The following NT5C3A variants were observed in gnomAD, a reference collection of about 807,000 sequenced individuals.
NT5C3A encodes the protein 5'-nucleotidase, cytosolic IIIA, also known as cytosolic 5'-nucleotidase 3A.
A neutral mutation model predicts 40.0 loss-of-function variants in NT5C3A; 23 were observed. That is an observed-to-expected ratio of 0.58 (90% CI 0.41 to 0.81). The LOEUF is 0.81. Ranked by LOEUF, NT5C3A falls within the 40% of genes least tolerant of loss-of-function variation. The pLI, the probability that NT5C3A is intolerant of heterozygous loss-of-function variation, is 0.00. For synonymous variants in NT5C3A, 130 were observed against 141.4 expected (o/e 0.92, Z 0.57); for missense variants, 328 against 403.0 (o/e 0.81, Z 1.59).
chr7:33,022,010 T>C, intron 4 of NT5C3A, 43 bp downstream of exon 4: 3 of 1,106,348 alleles, frequency 2.7e-6, no homozygotes, highest in South Asian at 1.3e-5. Flanking sequence ...GCAAAAAGGG[T>C]AATGAAGTCT....
chr7:33,035,902 A>G (rs1786570840), intron 1 of NT5C3A: 1 of 1,567,994 alleles, frequency 6.4e-7, no homozygotes, highest in South Asian at 1.1e-5. Flanking sequence ...TTTACCATTA[A>G]TAAATGGAAC....
At chr7:33,026,988 A>C (rs938464317) in intron 1 of NT5C3A, 73 bp from the exon 2 acceptor site, 7 of 950,600 alleles carry the variant, frequency 7.4e-6, no homozygotes, top group Non-Finnish European at 9.9e-6. Flanking sequence ...CCAAGCAGAA[A>C]CCTGTCTTAT....
intron 1 of NT5C3A, chr7:33,029,547 A>C: frequency 1.4e-6 from 1 of 695,012 alleles, no homozygotes; most frequent in African/African-American, 1.8e-5. Flanking sequence ...TTATGGTGAA[A>C]GCAACACAGG....
intron 1 of NT5C3A, among the ~76,000 whole-genome samples, chr7:33,041,859 C>A (rs1447314520): frequency 6.6e-6 from 1 of 152,008 alleles, no homozygotes; most frequent in Non-Finnish European, 1.5e-5. Flanking sequence ...CTGTGGGAAC[C>A]TTTATCATTA....
At chr7:33,043,994 T>C (rs184628759) in intron 1 of NT5C3A, among the ~76,000 whole-genome samples, 33 of 152,252 alleles carry the variant, frequency 2.2e-4, no homozygotes, top group Non-Finnish European at 3.5e-4. Flanking sequence ...TTACTACTTA[T>C]GTGACTTAAT....
At chr7:33,015,905 A>C (rs1320486725) in intron 7 of NT5C3A, 35 bp from the exon 8 acceptor site, 1 of 1,406,174 alleles carries the variant, frequency 7.1e-7, no homozygotes, top group Admixed American at 1.7e-5. Flanking sequence ...ACAGGCTTTA[A>C]AAATTCTATT....
chr7:33,024,880 C>T (rs1046197395), intron 2 of NT5C3A, among the ~76,000 whole-genome samples: 1 of 152,128 alleles, frequency 6.6e-6, no homozygotes, highest in Non-Finnish European at 1.5e-5. Flanking sequence ...TGGCTCATGC[C>T]TGGAATCCCA....
intron 2 of NT5C3A, among the ~76,000 whole-genome samples, chr7:33,024,782 T>C (rs1402592244): frequency 6.6e-6 from 1 of 152,234 alleles, no homozygotes; most frequent in Non-Finnish European, 1.5e-5. Flanking sequence ...ACATTTTATA[T>C]ACATTTGAAA....
intron 6 of NT5C3A, 75 bp from the exon 7 acceptor site, chr7:33,017,676 G>A: frequency 1.8e-6 from 2 of 1,134,514 alleles, no homozygotes; most frequent in Non-Finnish European, 2.7e-6. Flanking sequence ...CTAAAAAAGT[G>A]AAATATTCCT....
intron 1 of NT5C3A, among the ~76,000 whole-genome samples, chr7:33,058,477 G>A (rs1583975575): frequency 6.6e-6 from 1 of 152,048 alleles, no homozygotes; most frequent in East Asian, 1.9e-4. Flanking sequence ...CTCCCAAGTA[G>A]CTAGGATTAC....
chr7:33,036,443 T>C (rs1326173617), intron 1 of NT5C3A: 3 of 182,260 alleles, frequency 1.6e-5, no homozygotes, highest in Non-Finnish European at 3.5e-5. Flanking sequence ...AGCCTATATT[T>C]GACACATAAA....
Position 33,014,627 on chromosome 7 carries a change from C to T in NT5C3A, c.*103G>A, listed in dbSNP as rs1785225252. ...ATACTTCAGTTATACAAAGGGAACA[C>T]TTCGAGAGTAAGGATATATTATAAA... On this transcript the variant is annotated 3_prime_UTR_variant, in exon 9 of 9. Coordinates refer to ENST00000610140, the MANE Select transcript of NT5C3A (RefSeq NM_001002010.5). 1 of 1,517,918 alleles carries T rather than the reference C, an allele frequency of 6.6e-7. No individual in the cohort carries two copies. The highest frequency in any genetic ancestry group is 1.9e-5 in the Admixed American group (1 of 51,784). The allele number at this position is 1,517,918 out of a possible 1,614,324, so 94.0% of individuals were successfully genotyped here. A position where few individuals can be genotyped will look rare whatever the true frequency, so the allele number is the denominator to read the frequency against.
At chr7:33,051,400 G>T (rs2128016552) in intron 1 of NT5C3A, among the ~76,000 whole-genome samples, 1 of 152,208 alleles carries the variant, frequency 6.6e-6, no homozygotes, top group Middle Eastern at 3.4e-3. Context: ...CTGACTTTGT[G>T]ATCCGCCCGC....
At chr7:33,020,030 A>G (rs1201481872) in intron 5 of NT5C3A, among the ~76,000 whole-genome samples, 1 of 152,208 alleles carries the variant, frequency 6.6e-6, no homozygotes, top group Non-Finnish European at 1.5e-5. Flanking sequence ...CAACCTATGG[A>G]AGCATAATCC....
At chr7:33,017,087 G>A (rs1056195938) in intron 7 of NT5C3A, 5 of 208,712 alleles carry the variant, frequency 2.4e-5, no homozygotes, top group Non-Finnish European at 3.8e-5. Context: ...AGAGGCTGAG[G>A]CAGAAGAATT....
intron 8 of NT5C3A, among the ~76,000 whole-genome samples, chr7:33,015,237 C>T (rs1361170713): frequency 6.6e-6 from 1 of 152,140 alleles, no homozygotes; most frequent in Non-Finnish European, 1.5e-5. Flanking sequence ...CCTTTTTAAA[C>T]ATCACCAGTA....
intron 1 of NT5C3A, among the ~76,000 whole-genome samples, chr7:33,042,922 C>G (rs1038190265): frequency 3.3e-5 from 5 of 152,156 alleles, no homozygotes; most frequent in African/African-American, 1.2e-4. Context: ...GTGATACATA[C>G]AGAAAATATA....
At chr7:33,026,256 C>T (rs567604458) in intron 2 of NT5C3A, among the ~76,000 whole-genome samples, 4 of 143,120 alleles carry the variant, frequency 2.8e-5, no homozygotes, top group African/African-American at 7.8e-5. Context: ...GGCGGAGGTA[C>T]GAAAATCGCC....
At chr7:33,061,538 A>C (rs1325278855) in intron 1 of NT5C3A, among the ~76,000 whole-genome samples, 1 of 152,154 alleles carries the variant, frequency 6.6e-6, no homozygotes, top group Non-Finnish European at 1.5e-5. Flanking sequence ...GGCTAATTTT[A>C]ATTATGCAAA....
Sources: allele counts gnomAD v4.1 joint callset (sites outside exome capture counted in the v4.1 genomes callset), GRCh38; gene constraint gnomAD v4.1.1; transcripts MANE v1.5; gene names NCBI Gene and HGNC (gene_info 2026-07-23, HGNC 2026-07-21).